Variants in TDRD10 observed in about 807,000 individuals in gnomAD.
The protein encoded by TDRD10 is tudor domain containing 10.
In TDRD10, 40 loss-of-function variants were observed where a neutral mutation model predicts 48.0. The observed-to-expected ratio is 0.83, with a 90% CI of 0.65 to 1.09. TDRD10 has a LOEUF of 1.09. TDRD10 is among the 50% of genes least tolerant of loss of function. The probability of loss-of-function intolerance (pLI) is 0.00; values close to 1 mark genes in which losing one functional copy is unlikely to be tolerated. For synonymous variants in TDRD10, 162 were observed against 170.4 expected, an observed-to-expected ratio of 0.95 and a Z score of 0.38; for missense variants, 378 against 434.7, an observed-to-expected ratio of 0.87 and a Z score of 1.16.
At position 154,521,422 on chromosome 1, in the gene TDRD10, A is replaced by G. The variant is rs200427247; in HGVS notation, c.312A>G (p.Thr104=). The change falls in exon 6 of 13, where the codon ACA becomes ACG. Residue 104 remains threonine (T), a synonymous_variant. Coordinates refer to ENST00000368482, the MANE Select transcript of TDRD10 (RefSeq NM_182499.4). ...LFHKRKLFVN[T]SKRPPKRTPD... ...ACAAGCGAAAACTGTTCGTGAATAC[A>G]AGCAAAAGGCCCCCCAAGAGGACCC... The G allele has an allele frequency of 9.0e-4, 1,450 of 1,614,152 alleles. 1 individual carries two copies. The highest frequency in any genetic ancestry group is 1.1e-3 in the Non-Finnish European group (1,321 of 1,180,042).
intron 1 of TDRD10, among the ~76,000 whole-genome samples, chr1:154,504,054 C>T (rs1325540691): frequency 6.6e-6 from 1 of 152,174 alleles, no homozygotes; most frequent in African/African-American, 2.4e-5. Flanking sequence ...TCCGCCTTCC[C>T]AGTCCTAGAC....
intron 4 of TDRD10, chr1:154,509,724 G>A (rs558521745): frequency 1.6e-6 from 1 of 615,392 alleles, no homozygotes; most frequent in East Asian, 1.4e-4. Context: ...CAATCAAAGG[G>A]GCAGGTTGGG....
intron 10 of TDRD10, 83 bp downstream of exon 10, chr1:154,544,600 C>G: frequency 6.5e-7 from 1 of 1,527,718 alleles, no homozygotes; most frequent in African/African-American, 1.4e-5. Context: ...CCTTTGGGCT[C>G]TGGTTTTTTT....
chr1:154,506,730 C>G, intron 1 of TDRD10, 147 bp from the exon 2 acceptor site: 2 of 697,194 alleles, frequency 2.9e-6, no homozygotes, highest in Admixed American at 2.5e-5. Flanking sequence ...GCCGTGAAAT[C>G]TAATACATTC....
chr1:154,511,059 T>A (rs567749316), intron 4 of TDRD10, among the ~76,000 whole-genome samples: 38 of 151,378 alleles, frequency 2.5e-4, no homozygotes, highest in African/African-American at 6.5e-4. Context: ...AAAAAAAAAA[T>A]TTAAAATATA....
chr1:154,541,284 G>A (rs991900468), intron 6 of TDRD10, among the ~76,000 whole-genome samples: 3 of 151,706 alleles, frequency 2.0e-5, no homozygotes, highest in African/African-American at 7.3e-5. Context: ...GAGGGCAGGA[G>A]CGGGAGAGGG....
In TDRD10 at chr1:154,542,367, A is replaced by G. The variant is rs1044664963; in HGVS notation, c.412+301A>G. On this transcript the variant is annotated intron_variant, in intron 7 of 12. Coordinates refer to ENST00000368482, the MANE Select transcript of TDRD10 (RefSeq NM_182499.4). ...CTCAGCCTCCACAGTAGCTAGGACT[A>G]TAGGTGTGCATCGCCATGCCTGGCT... Among the ~76,000 whole-genome samples, 2 of 152,154 alleles carry G rather than the reference A, an allele frequency of 1.3e-5. No homozygotes were observed. Among genetic ancestry groups the G allele is most frequent in the Admixed American group, 1.3e-4 (2 of 15,288 alleles).
intron 3 of TDRD10, among the ~76,000 whole-genome samples, chr1:154,507,923 C>T (rs758447444): frequency 2.6e-5 from 4 of 152,174 alleles, no homozygotes; most frequent in Non-Finnish European, 4.4e-5. Context: ...TGGGCCCCTG[C>T]GTGCTCCCCA....
chr1:154,512,510 A>G (rs1693540489), intron 4 of TDRD10, among the ~76,000 whole-genome samples: 1 of 151,994 alleles, frequency 6.6e-6, no homozygotes, highest in East Asian at 1.9e-4. Context: ...ATGCCTGGCT[A>G]AATTTGTATT....
chr1:154,546,466 CATATATAATATATAATACGTGATAT>C (rs934138708), intron 11 of TDRD10, among the ~76,000 whole-genome samples: 15 of 141,112 alleles, frequency 1.1e-4, no homozygotes, highest in Non-Finnish European at 2.3e-4. Context: ...TATTATGTAA[CATATATAATATATAATACGTGATAT>C]ATATAATATA....
intron 8 of TDRD10, 69 bp downstream of exon 8, chr1:154,542,890 G>A: frequency 7.3e-7 from 1 of 1,364,142 alleles, no homozygotes; most frequent in East Asian, 2.3e-5. Context: ...CCCAGAGAGT[G>A]GGGACAAGGA....
At chr1:154,505,804 G>T (rs1246001580) in intron 1 of TDRD10, among the ~76,000 whole-genome samples, 4 of 152,042 alleles carry the variant, frequency 2.6e-5, no homozygotes, top group African/African-American at 4.8e-5. Context: ...TTGTAGAAAA[G>T]TGCCCATAAA....
At chr1:154,547,527 C>T (rs1695671371) in intron 12 of TDRD10, 48 bp downstream of exon 12, 1 of 1,614,242 alleles carries the variant, frequency 6.2e-7, no homozygotes, top group Non-Finnish European at 8.5e-7. Flanking sequence ...CACTCCTGCC[C>T]TTGGGGTGTC....
intron 6 of TDRD10, among the ~76,000 whole-genome samples, chr1:154,533,911 A>G (rs921570165): frequency 1.4e-5 from 2 of 143,108 alleles, no homozygotes; most frequent in Non-Finnish European, 1.5e-5. Context: ...TTAATTTTCT[A>G]TTGTTTGTAG....
intron 6 of TDRD10, among the ~76,000 whole-genome samples, chr1:154,541,246 C>T (rs1695211572): frequency 7.2e-6 from 1 of 138,476 alleles, no homozygotes; most frequent in African/African-American, 2.8e-5. Flanking sequence ...CGGGAGGGAG[C>T]AGGTCCATGC....
In TDRD10 at chr1:154,507,954, C is replaced by T. The variant is rs1025863659; in HGVS notation, c.83-469C>T. On this transcript the variant is annotated intron_variant, in intron 3 of 12. Transcript: ENST00000368482. ...CCCCACTCTCAGCTTAGTGTTAACT[C>T]GGGAAGCACAACCCCGTGGGTCCCG... 7.2e-5 allele frequency among the ~76,000 whole-genome samples: 11 copies of T among 152,244 alleles called. 1 individual carries two copies. In the South Asian group the frequency reaches 1.0e-3, roughly 14 times the overall value.
At chr1:154,532,473 A>G (rs1694687014) in intron 6 of TDRD10, among the ~76,000 whole-genome samples, 1 of 152,056 alleles carries the variant, frequency 6.6e-6, no homozygotes, top group Admixed American at 6.5e-5. Flanking sequence ...ACCTGCCTGC[A>G]AGCCGAGGGA....
At chr1:154,543,345 G>A (rs1052970472) in intron 8 of TDRD10, among the ~76,000 whole-genome samples, 3 of 152,260 alleles carry the variant, frequency 2.0e-5, no homozygotes, top group East Asian at 3.9e-4. Context: ...GCCTGTGACC[G>A]TCCCCTGCCC....
chr1:154,530,221 G>A (rs1017066509), intron 6 of TDRD10, among the ~76,000 whole-genome samples: 12 of 152,128 alleles, frequency 7.9e-5, no homozygotes, highest in Non-Finnish European at 1.8e-4. Context: ...CACCGTGTTG[G>A]CCAGGCTGGT....
Sources: allele counts gnomAD v4.1 joint callset (sites outside exome capture counted in the v4.1 genomes callset), GRCh38; gene constraint gnomAD v4.1.1; transcripts MANE v1.5; gene names NCBI Gene and HGNC (gene_info 2026-07-23, HGNC 2026-07-21).